Variants in PPL observed in about 807,000 individuals in gnomAD.
PPL encodes the protein periplakin, also known as 190 kDa paraneoplastic pemphigus antigen.
PPL carries 198 observed loss-of-function variants against 194.4 expected under a neutral mutation model. The ratio of observed to expected loss-of-function variants is 1.02; its 90% CI spans 0.91 to 1.15. PPL has a LOEUF of 1.15. Among genes scored for constraint, PPL ranks in the 50% most tolerant of loss-of-function variants. PPL has a pLI of 0.00. For missense variants in PPL, 2,885 were observed against 2,294.8 expected, an observed-to-expected ratio of 1.26 and a Z score of -5.25; for synonymous variants, 1,220 against 972.4, an observed-to-expected ratio of 1.25 and a Z score of -4.74.
chr16:4,935,694 C>T (rs917285538), intron 1 of PPL, among the ~76,000 whole-genome samples: 2 of 152,294 alleles, frequency 1.3e-5, no homozygotes, highest in South Asian at 2.1e-4. Context: ...CTGGAAGGCC[C>T]CGGAATGGAG....
rs781420537 is a variant in PPL, at chr16:4,899,065, C to G, written c.824G>C (p.Ser275Thr). The G allele has an allele frequency of 1.2e-6, 2 of 1,613,228 alleles. No individual in the cohort carries two copies. Among genetic ancestry groups the G allele is most frequent in the Non-Finnish European group, 1.7e-6 (2 of 1,179,586 alleles). Residue 275 changes from serine (S) to threonine (T), a missense_variant, in exon 8 of 22, where the codon AGC becomes ACC. Ser to Thr is a moderately conservative substitution (Grantham distance 58, BLOSUM62 1). Transcript: ENST00000345988. ...GGCCGCCAGCAGCTGGTCGCCCTCG[C>G]TGTGCAGTTTGTTGATTCTCTCCTC... is the stretch of plus-strand genomic sequence containing the variant. The part of the protein sequence containing the change: ...AKEERINKLH[S>T]EGDQLLAAEH...
chr16:4,889,224 G>GTTTTT lies in PPL; in HGVS notation c.2314-168_2314-164dup, dbSNP rs34820925. Among the ~76,000 whole-genome samples, 27 of 64,676 alleles carry GTTTTT rather than the reference G, an allele frequency of 4.2e-4. 1 individual carries two copies. Among genetic ancestry groups the GTTTTT allele is most frequent in the East Asian group, 2.0e-3 (4 of 2,034 alleles). 42.4% of individuals were successfully genotyped at this position (64,676 alleles called of 152,430 possible). A position where few individuals can be genotyped will look rare whatever the true frequency, so the allele number is the denominator to read the frequency against. The stretch of plus-strand genomic sequence containing the variant: ...ACATTTTTATTCATTGCAAAAGGCA[G>GTTTTT]TTTTTTTGTTGTTGTTGTTTTTTTT... On this transcript the variant is annotated intron_variant, in intron 18 of 21. Transcript: ENST00000345988.
chr16:4,911,627 C>A (rs1026462222), intron 1 of PPL, among the ~76,000 whole-genome samples: 1 of 152,174 alleles, frequency 6.6e-6, no homozygotes, highest in African/African-American at 2.4e-5. Context: ...CTCTATCTCC[C>A]AGGCTCAAGC....
In PPL at chr16:4,891,085, C is replaced by A. The variant is rs572277922; in HGVS notation, c.1969-164G>T. The stretch of plus-strand genomic sequence containing the variant: ...TGTACATCCCAAACCTGGGTCACTT[C>A]TGCCATCTTCTGTTTTTTAACAATG... On this transcript the variant is annotated intron_variant, in intron 16 of 21. Transcript: ENST00000345988. Among the ~76,000 whole-genome samples the A allele has an allele frequency of 1.1e-3, 167 of 152,364 alleles. 1 individual carries two copies. The highest frequency in any genetic ancestry group is 1.2e-3 in the Admixed American group (19 of 15,310).
Position 4,885,141 on chromosome 16 carries a change from C to T in PPL, c.3514G>A (p.Glu1172Lys), listed in dbSNP as rs377184007. 6.2e-7 allele frequency: 1 copy of T among 1,613,986 alleles called. No homozygotes were observed. Among genetic ancestry groups the T allele is most frequent in the African/African-American group, 1.3e-5 (1 of 74,922 alleles). Reference sequence around the variant, plus strand: ...GGCCGCACGATCTCCCGCACCTTCTCCTGCACCACCACTTTGGCGTTCTCC... The same window carrying T: ...GGCCGCACGATCTCCCGCACCTTCTTCTGCACCACCACTTTGGCGTTCTCC... ...EEENAKVVVQ[E>K]KVREIVRPDP... is the part of the protein sequence containing the mutation. The change falls in exon 22 of 22, where the codon GAG becomes AAG. Residue 1172 changes from glutamate (E) to lysine (K), a missense_variant. Physicochemically the swap from Glu to Lys is moderately conservative, Grantham distance 56 (BLOSUM62 1). Transcript: ENST00000345988. The surrounding 1 kb of genome is among the most constrained non-coding windows in gnomAD (Gnocchi z 6.3).
intron 2 of PPL, among the ~76,000 whole-genome samples, chr16:4,909,759 A>G (rs1406580441): frequency 2.0e-5 from 3 of 152,162 alleles, no homozygotes; most frequent in Non-Finnish European, 2.9e-5. Context: ...GCCCCTGCAT[A>G]GGGATGCCAG....
At chr16:4,931,948 G>A (rs1262156467) in intron 1 of PPL, among the ~76,000 whole-genome samples, 1 of 152,200 alleles carries the variant, frequency 6.6e-6, no homozygotes, top group African/African-American at 2.4e-5. Flanking sequence ...GGATGGAGGG[G>A]CAAAGCTAGA....
At chr16:4,901,958 AAAT>A (rs140412939) in intron 4 of PPL, among the ~76,000 whole-genome samples, 72,406 of 127,860 alleles carry the variant, frequency 0.57, 19,124 homozygotes, top group East Asian at 0.73. Flanking sequence ...ATAAATAAAT[AAAT>A]AAATAAATAA....
Position 4,893,276 on chromosome 16 carries a change from C to A in PPL, c.1587G>T (p.Leu529=), listed in dbSNP as rs920622122. 2 of 1,601,082 alleles carry A rather than the reference C, an allele frequency of 1.2e-6. No individual in the cohort carries two copies. The highest frequency in any genetic ancestry group is 1.3e-5 in the African/African-American group (1 of 74,868). Residue 529 remains leucine (L), a synonymous_variant, in exon 14 of 22, where the codon CTG becomes CTT. Transcript: ENST00000345988. ...DRQEKAITGI[L]RPPLEQGRAV... is the part of the protein sequence containing the mutation. ...CCCGGCCTTGCTCCAGTGGTGGCCG[C>A]AGGATCCCTGTGATGGCCTTCTCCT...
intron 1 of PPL, among the ~76,000 whole-genome samples, chr16:4,923,692 T>C (rs1392020950): frequency 1.3e-5 from 2 of 152,058 alleles, no homozygotes; most frequent in Non-Finnish European, 2.9e-5. Flanking sequence ...TCGGGCAGAT[T>C]CCTTAGTCTC....
At position 4,884,102 on chromosome 16, in the gene PPL, C is replaced by T; in HGVS notation, c.4553G>A (p.Arg1518Lys). The change falls in exon 22 of 22, where the codon AGG becomes AAG. Residue 1518 changes from arginine (R) to lysine (K), a missense_variant. Transcript: ENST00000345988. The surrounding 1 kb of genome is among the most constrained non-coding windows in gnomAD (Gnocchi z 5.7). ...CTCCTCCTCCAGGCTGCTCTTGAGCCTCTGGATCTCTTGCTCGGTGTCGCC... is the reference window on the plus strand; with the variant it reads ...CTCCTCCTCCAGGCTGCTCTTGAGCTTCTGGATCTCTTGCTCGGTGTCGCC... ...EKGDTEQEIQ[R>K]LKSSLEEESR... 1 of 1,613,354 alleles carries T rather than the reference C, an allele frequency of 6.2e-7. No individual in the cohort carries two copies. The highest frequency in any genetic ancestry group is 8.5e-7 in the Non-Finnish European group (1 of 1,179,966).
At chr16:4,922,984 C>T (rs2089081618) in intron 1 of PPL, among the ~76,000 whole-genome samples, 1 of 152,170 alleles carries the variant, frequency 6.6e-6, no homozygotes, top group East Asian at 1.9e-4. Context: ...CTCCCTGGGC[C>T]TAGCTGGGGG....
intron 11 of PPL, among the ~76,000 whole-genome samples, chr16:4,894,869 T>C (rs1719453221): frequency 6.6e-6 from 1 of 152,134 alleles, no homozygotes; most frequent in Admixed American, 6.5e-5. Context: ...CCTTCTCCAT[T>C]CCCAAGCTCC....
rs774454642 is a variant in PPL, at chr16:4,885,445, G to A, written c.3210C>T (p.Tyr1070=). 6.2e-7 allele frequency: 1 copy of A among 1,612,508 alleles called. No homozygotes were observed. The highest frequency in any genetic ancestry group is 1.7e-5 in the Admixed American group (1 of 60,006). Residue 1070 remains tyrosine (Y), a synonymous_variant, in exon 22 of 22, where the codon TAC becomes TAT. Transcript: ENST00000345988. This position sits in a 1 kb window ranked among gnomAD's most constrained non-coding sequence, Gnocchi z 6.3. ...LQNDPQLEAE[Y]QQLQEDHQRQ... is the part of the protein sequence containing the mutation. ...GCTGGTGGTCCTCCTGCAGCTGCTG[G>A]TACTCTGCCTCCAGCTGGGGGTCAT...
chr16:4,910,757 TG>T, intron 2 of PPL, 92 bp downstream of exon 2: 1 of 1,140,238 alleles, frequency 8.8e-7, no homozygotes, highest in Non-Finnish European at 1.3e-6. Flanking sequence ...CAATCACCCC[TG>T]GGTGAGAATC....
At position 4,884,194 on chromosome 16, in the gene PPL, C is replaced by T. The variant is rs2088164007; in HGVS notation, c.4461G>A (p.Leu1487=). The T allele has an allele frequency of 1.2e-6, 2 of 1,614,024 alleles. No homozygotes were observed. Among genetic ancestry groups the T allele is most frequent in the Admixed American group, 1.7e-5 (1 of 60,020 alleles). The change falls in exon 22 of 22, where the codon CTG becomes CTA. Residue 1487 remains leucine, a synonymous_variant. Transcript: ENST00000345988. This position sits in a 1 kb window ranked among gnomAD's most constrained non-coding sequence, Gnocchi z 5.7. ...TGACCTCCGCCTTCTCCAGTGCAGC[C>T]AGTTTCCTCCGGAGGGTCTCGAGCT... ...EGELETLRRK[L]AALEKAEVKE...
In PPL at chr16:4,883,736, A is replaced by C; in HGVS notation, c.4919T>G (p.Leu1640Arg). Residue 1640 changes from leucine to arginine, a missense_variant, in exon 22 of 22, where the codon CTG becomes CGG. Physicochemically the swap from Leu to Arg is moderately radical, Grantham distance 102. Transcript: ENST00000345988. This position sits in a 1 kb window ranked among gnomAD's most constrained non-coding sequence, Gnocchi z 4.8. ...DLEIDELQKR[L>R]GSVAVKREQR... The stretch of plus-strand genomic sequence containing the variant: ...CTCCCGCTTGACGGCCACGGAGCCC[A>C]GGCGCTTCTGCAGCTCGTCGATCTC... 2 of 1,613,992 alleles carry C rather than the reference A, an allele frequency of 1.2e-6. No homozygotes were observed. The highest frequency in any genetic ancestry group is 1.7e-6 in the Non-Finnish European group (2 of 1,180,010).
chr16:4,895,753 C>A, intron 9 of PPL, 37 bp from the exon 10 acceptor site: 1 of 1,612,938 alleles, frequency 6.2e-7, no homozygotes, highest in East Asian at 2.2e-5. Context: ...GCCAGGAAAC[C>A]ACTAGAAGCA....
chr16:4,925,242 G>T (rs1442852988), intron 1 of PPL, among the ~76,000 whole-genome samples: 1 of 152,260 alleles, frequency 6.6e-6, no homozygotes, highest in Non-Finnish European at 1.5e-5. Context: ...TGCCTGGAGG[G>T]CCAGCTTGGG....
Sources: allele counts gnomAD v4.1 joint callset (sites outside exome capture counted in the v4.1 genomes callset), GRCh38; gene constraint gnomAD v4.1.1; non-coding constraint Gnocchi (gnomAD v3.1); transcripts MANE v1.5; gene names NCBI Gene and HGNC (gene_info 2026-07-23, HGNC 2026-07-21).